The following ACBD6 variants were observed in gnomAD, a reference collection of about 807,000 sequenced individuals.
The protein encoded by ACBD6 is acyl-CoA-binding domain-containing protein 6.
A neutral mutation model predicts 37.2 loss-of-function variants in ACBD6; 28 were observed. The ratio of observed to expected loss-of-function variants is 0.75; its 90% CI spans 0.56 to 1.03. The LOEUF (loss-of-function observed/expected upper bound fraction) is 1.03. Ranked by LOEUF, ACBD6 falls within the 50% of genes least tolerant of loss-of-function variation. ACBD6 has a pLI of 0.00. For missense variants in ACBD6, 340 were observed against 337.4 expected, an observed-to-expected ratio of 1.01 and a Z score of -0.06; for synonymous variants, 113 against 126.8, an observed-to-expected ratio of 0.89 and a Z score of 0.73.
chr1:180,437,225 T>G (rs1649076712), intron 3 of ACBD6, among the ~76,000 whole-genome samples: 1 of 152,178 alleles, frequency 6.6e-6, no homozygotes, highest in South Asian at 2.1e-4. Flanking sequence ...ACTCCAGAAC[T>G]CAGTTGAACC....
chr1:180,286,695 T>C (rs559024730), downstream of ACBD6, among the ~76,000 whole-genome samples: 6 of 152,356 alleles, frequency 3.9e-5, no homozygotes, highest in South Asian at 1.2e-3. Flanking sequence ...CTAATATGCA[T>C]ATCACTTCCA....
chr1:180,306,329 AC>A (rs1026711999), intron 7 of ACBD6, among the ~76,000 whole-genome samples: 32 of 152,288 alleles, frequency 2.1e-4, no homozygotes, highest in African/African-American at 7.7e-4. Context: ...CACAGTTCAC[AC>A]CTATGTTGTT....
chr1:180,288,459 G>T lies in ACBD6; in HGVS notation c.753C>A (p.Pro251=). The T allele has an allele frequency of 6.2e-7, 1 of 1,613,738 alleles. No homozygotes were observed. The highest frequency in any genetic ancestry group is 8.5e-7 in the Non-Finnish European group (1 of 1,179,950). Reference sequence around the variant, plus strand: ...GGCAGCCATCCTGGTCTCGGAGAGTGGGGTCAGCACCAGACTGGAGCAGCA... The same window carrying T: ...GGCAGCCATCCTGGTCTCGGAGAGTTGGGTCAGCACCAGACTGGAGCAGCA... ...VELLLQSGAD[P]TLRDQDGCLP... is the part of the protein sequence containing the mutation. The change falls in exon 8 of 8, where the codon CCC becomes CCA. Residue 251 remains proline (P), a synonymous_variant. Transcript: ENST00000367595.
chr1:180,443,350 C>T (rs1012154978), intron 3 of ACBD6, among the ~76,000 whole-genome samples: 1 of 152,140 alleles, frequency 6.6e-6, no homozygotes, highest in Non-Finnish European at 1.5e-5. Flanking sequence ...CAGAAATTGG[C>T]CTACTGCTTT....
chr1:180,487,548 C>A (rs1651320255), intron 3 of ACBD6, among the ~76,000 whole-genome samples: 1 of 152,148 alleles, frequency 6.6e-6, no homozygotes, highest in South Asian at 2.1e-4. Context: ...TCGACTGCTG[C>A]AGTACCATGT....
chr1:180,310,722 C>A (rs1571344855), intron 7 of ACBD6, among the ~76,000 whole-genome samples: 1 of 152,284 alleles, frequency 6.6e-6, no homozygotes, highest in Admixed American at 6.5e-5. Context: ...GTACCTTGAA[C>A]TTTACTAAAT....
chr1:180,338,373 A>G (rs1305491126), intron 6 of ACBD6, among the ~76,000 whole-genome samples: 5 of 152,176 alleles, frequency 3.3e-5, no homozygotes, highest in Non-Finnish European at 5.9e-5. Flanking sequence ...AAATAATGCC[A>G]CACATCTACA....
downstream of ACBD6, among the ~76,000 whole-genome samples, chr1:180,284,922 C>T (rs192347380): frequency 1.8e-4 from 27 of 152,050 alleles, no homozygotes; most frequent in African/African-American, 5.1e-4. Context: ...GAGGCCAATG[C>T]GGGCAGATCA....
intron 7 of ACBD6, among the ~76,000 whole-genome samples, chr1:180,299,961 A>C (rs1171029604): frequency 6.6e-6 from 1 of 152,180 alleles, no homozygotes; most frequent in Non-Finnish European, 1.5e-5. Flanking sequence ...CACAAAGCCT[A>C]TTTAGAATGA....
At chr1:180,301,270 G>A (rs377352773) in intron 7 of ACBD6, among the ~76,000 whole-genome samples, 1 of 152,110 alleles carries the variant, frequency 6.6e-6, no homozygotes, top group South Asian at 2.1e-4. Context: ...TGAACAACAT[G>A]GGGGTTAGGT....
At chr1:180,470,414 G>A (rs79414918) in intron 3 of ACBD6, among the ~76,000 whole-genome samples, 1,576 of 152,170 alleles carry the variant, frequency 0.01, 34 homozygotes, top group African/African-American at 0.035. Flanking sequence ...AATCATCTTG[G>A]TCTAGTCTTT....
intron 9 of ACBD6, among the ~76,000 whole-genome samples, chr1:180,279,541 G>A (rs1412099632): frequency 6.6e-6 from 1 of 152,128 alleles, no homozygotes; most frequent in Non-Finnish European, 1.5e-5. Flanking sequence ...CAAGTGATCC[G>A]CCCACCTGGG....
At chr1:180,283,100 G>A (rs1649362202) in intron 8 of ACBD6, among the ~76,000 whole-genome samples, 1 of 150,818 alleles carries the variant, frequency 6.6e-6, no homozygotes, top group Admixed American at 6.7e-5. Flanking sequence ...CACAGGAAGT[G>A]CCACTTTTTA....
intron 4 of ACBD6, among the ~76,000 whole-genome samples, chr1:180,425,893 T>G (rs1648564306): frequency 6.6e-6 from 1 of 152,232 alleles, no homozygotes; most frequent in African/African-American, 2.4e-5. Flanking sequence ...ACTTTCATTC[T>G]AATTTTTTAT....
chr1:180,302,125 T>G (rs1431180717), intron 7 of ACBD6, among the ~76,000 whole-genome samples: 1 of 152,056 alleles, frequency 6.6e-6, no homozygotes, highest in African/African-American at 2.4e-5. Context: ...ACATGGCACA[T>G]GTATACATAT....
At chr1:180,479,296 A>G (rs558749627) in intron 3 of ACBD6, among the ~76,000 whole-genome samples, 16 of 152,354 alleles carry the variant, frequency 1.1e-4, no homozygotes, top group South Asian at 2.1e-4. Flanking sequence ...TATATACACA[A>G]TGAAATATTA....
At chr1:180,398,059 TACA>T (rs10583778) in intron 5 of ACBD6, among the ~76,000 whole-genome samples, 105,888 of 149,160 alleles carry the variant, frequency 0.71, 38,687 homozygotes, top group Non-Finnish European at 0.81. Context: ...TCTCAAAAAC[TACA>T]ACAACAACAA....
chr1:180,494,552 T>C (rs180901987), intron 2 of ACBD6, among the ~76,000 whole-genome samples: 3 of 152,324 alleles, frequency 2.0e-5, no homozygotes, highest in Admixed American at 6.5e-5. Flanking sequence ...GGGTTCAAGC[T>C]CTGTATCTCC....
At chr1:180,392,039 T>G (rs1306461821) in intron 6 of ACBD6, among the ~76,000 whole-genome samples, 1 of 152,164 alleles carries the variant, frequency 6.6e-6, no homozygotes, top group Non-Finnish European at 1.5e-5. Context: ...ATAATAAGCT[T>G]AATCCAAAAG....
Sources: allele counts gnomAD v4.1 joint callset (sites outside exome capture counted in the v4.1 genomes callset), GRCh38; gene constraint gnomAD v4.1.1; transcripts MANE v1.5; gene names NCBI Gene and HGNC (gene_info 2026-07-23, HGNC 2026-07-21).